Variants in ARHGAP31 observed in about 807,000 individuals in gnomAD.
ARHGAP31 encodes rho GTPase-activating protein 31.
Under a neutral mutation model 113.9 loss-of-function variants are expected in ARHGAP31, and 34 were observed. That is an observed-to-expected ratio of 0.30 (90% confidence interval 0.23 to 0.40). The LOEUF (loss-of-function observed/expected upper bound fraction) is 0.40, where lower values mean the gene tolerates loss of function less well. ARHGAP31 is among the 10% of genes least tolerant of loss of function. The pLI, the probability that ARHGAP31 is intolerant of heterozygous loss-of-function variation, is 1.00. For synonymous variants in ARHGAP31, 650 were observed against 684.8 expected (o/e 0.95, Z 0.79); for missense variants, 1,548 against 1,767.1 (o/e 0.88, Z 2.22).
chr3:119,380,800 T>C, intron 3 of ARHGAP31, 104 bp from the exon 4 acceptor site: 1 of 916,862 alleles, frequency 1.1e-6, no homozygotes, highest in Admixed American at 1.8e-5. Context: ...TCTCTAGGCA[T>C]GGTTGTGAGG....
intron 1 of ARHGAP31, among the ~76,000 whole-genome samples, chr3:119,345,610 C>G (rs1183486173): frequency 6.6e-6 from 1 of 152,172 alleles, no homozygotes; most frequent in African/African-American, 2.4e-5. Flanking sequence ...TCCTTGGAAC[C>G]TAGCACCCAG....
chr3:119,364,048 G>T (rs1274342360), intron 1 of ARHGAP31, among the ~76,000 whole-genome samples: 1 of 152,136 alleles, frequency 6.6e-6, no homozygotes, highest in African/African-American at 2.4e-5. Context: ...GCCTGTATCT[G>T]CCCCTGTTGG....
intron 1 of ARHGAP31, among the ~76,000 whole-genome samples, chr3:119,335,489 G>T (rs1027163542): frequency 6.6e-6 from 1 of 152,188 alleles, no homozygotes; most frequent in Non-Finnish European, 1.5e-5. Context: ...CTAGGCCAGG[G>T]CAGGCCAGGG....
At chr3:119,332,603 T>TG (rs1491472751) in intron 1 of ARHGAP31, among the ~76,000 whole-genome samples, 1 of 125,192 alleles carries the variant, frequency 8.0e-6, no homozygotes, top group African/African-American at 3.5e-5. Context: ...TCTCTCTCTC[T>TG]TTCTCTCTCT....
intron 1 of ARHGAP31, among the ~76,000 whole-genome samples, chr3:119,360,067 C>T (rs1382749556): frequency 6.6e-6 from 1 of 152,194 alleles, no homozygotes; most frequent in East Asian, 1.9e-4. Context: ...GCTCCTTTGT[C>T]ATTCCTCCCT....
intron 11 of ARHGAP31, 67 bp downstream of exon 11, chr3:119,409,843 T>G: frequency 6.8e-7 from 1 of 1,470,968 alleles, no homozygotes; most frequent in South Asian, 1.3e-5. Context: ...CTTGGTACAA[T>G]TTAAAGTAAA....
chr3:119,392,052 G>A (rs1041058266), intron 7 of ARHGAP31, among the ~76,000 whole-genome samples: 6 of 152,086 alleles, frequency 3.9e-5, no homozygotes, highest in East Asian at 1.9e-4. Context: ...CCAAAGGTAC[G>A]CTACCCTATA....
Position 119,414,215 on chromosome 3 carries a change from G to A in ARHGAP31, c.2286G>A (p.Lys762=). ...LAPLEIVPFE[K]ASPQATVEVG... is the part of the protein sequence containing the mutation. ...CTCTGGAAATAGTTCCTTTTGAGAA[G>A]GCATCTCCACAAGCAACAGTGGAAG... Residue 762 remains lysine, a synonymous_variant, in exon 12 of 12, where the codon AAG becomes AAA. Transcript: ENST00000264245. 1 of 1,614,174 alleles carries A rather than the reference G, an allele frequency of 6.2e-7. No homozygotes were observed. The highest frequency in any genetic ancestry group is 8.5e-7 in the Non-Finnish European group (1 of 1,180,030).
rs367668263 is a variant in ARHGAP31 at position 119,334,795 on chromosome 3, A to G, written c.101-30521A>G. On this transcript the variant is annotated intron_variant, in intron 1 of 11. Transcript: ENST00000264245. ...TTCATTTAATTCTTACAATAATCCT[A>G]TATGTGTAATGTTGCCCTTATTTTA... 1.6e-4 allele frequency among the ~76,000 whole-genome samples: 24 copies of G among 152,294 alleles called. No homozygotes were observed. In the East Asian group the frequency reaches 3.3e-3, roughly 21 times the overall value.
intron 1 of ARHGAP31, among the ~76,000 whole-genome samples, chr3:119,355,642 C>T (rs1006399694): frequency 5.3e-5 from 8 of 152,130 alleles, no homozygotes; most frequent in African/African-American, 1.9e-4. Flanking sequence ...CCTATCCCCC[C>T]ATCTCACGAC....
Position 119,414,233 on chromosome 3 carries a change from A to G in ARHGAP31, c.2304A>G (p.Thr768=). Residue 768 remains threonine, a synonymous_variant, in exon 12 of 12, where the codon ACA becomes ACG. Coordinates refer to ENST00000264245, the MANE Select transcript of ARHGAP31 (RefSeq NM_020754.4). ...VPFEKASPQA[T]VEVGGPGNLS... Reference sequence around the variant, plus strand: ...TTGAGAAGGCATCTCCACAAGCAACAGTGGAAGTAGGAGGCCCAGGCAATC... The same window carrying G: ...TTGAGAAGGCATCTCCACAAGCAACGGTGGAAGTAGGAGGCCCAGGCAATC... The G allele has an allele frequency of 6.2e-7, 1 of 1,614,228 alleles. No individual in the cohort carries two copies.
chr3:119,402,237 G>A lies in ARHGAP31; in HGVS notation c.1485G>A (p.Pro495=). Residue 495 remains proline (P), a synonymous_variant, in exon 10 of 12, where the codon CCG becomes CCA. Coordinates refer to ENST00000264245, the MANE Select transcript of ARHGAP31 (RefSeq NM_020754.4). Reference sequence around the variant, plus strand: ...CCGAGCCCTTTGCGGTATCTGTGCCGCTCCGCGTGTCCGCAGTCATCAGCA... The same window carrying A: ...CCGAGCCCTTTGCGGTATCTGTGCCACTCCGCGTGTCCGCAGTCATCAGCA... The part of the protein sequence containing the change: ...NISEPFAVSV[P]LRVSAVISTN... 1.2e-6 allele frequency: 2 copies of A among 1,614,246 alleles called. No individual in the cohort carries two copies. Among genetic ancestry groups the A allele is most frequent in the Non-Finnish European group, 8.5e-7 (1 of 1,180,044 alleles).
chr3:119,343,240 A>G (rs2080025075), intron 1 of ARHGAP31, among the ~76,000 whole-genome samples: 1 of 152,162 alleles, frequency 6.6e-6, no homozygotes, highest in South Asian at 2.1e-4. Flanking sequence ...GCAGTATAGA[A>G]AGCTGGTTAA....
intron 3 of ARHGAP31, among the ~76,000 whole-genome samples, chr3:119,379,846 C>T (rs1019797759): frequency 7.2e-5 from 11 of 152,198 alleles, no homozygotes; most frequent in South Asian, 2.1e-4. Context: ...GGAAAGATAG[C>T]TGTGGTTACC....
chr3:119,401,998 G>A lies in ARHGAP31; in HGVS notation c.1246G>A (p.Asp416Asn). 3 of 1,614,168 alleles carry A rather than the reference G, an allele frequency of 1.9e-6. No individual in the cohort carries two copies. The highest frequency in any genetic ancestry group is 2.5e-6 in the Non-Finnish European group (3 of 1,180,030). The part of the protein sequence containing the change: ...GAEGGFDVSS[D>N]RSHLQGAQAR... ...TGAGGGTGGCTTTGATGTGAGCAGT[G>A]ATCGCAGCCATCTCCAGGGCGCTCA... Residue 416 changes from aspartate to asparagine, a missense_variant, in exon 10 of 12, where the codon GAT (aspartate) becomes AAT (asparagine). Asp to Asn is a conservative substitution (Grantham distance 23). Coordinates refer to ENST00000264245, the MANE Select transcript of ARHGAP31 (RefSeq NM_020754.4).
chr3:119,391,015 G>A (rs923860206), intron 7 of ARHGAP31, 32 bp downstream of exon 7: 4 of 1,608,068 alleles, frequency 2.5e-6, no homozygotes, highest in Non-Finnish European at 3.4e-6. Context: ...AATTCTAGGA[G>A]ATGTGTGGTT....
intron 3 of ARHGAP31, among the ~76,000 whole-genome samples, chr3:119,374,733 G>A (rs1577017842): frequency 6.6e-6 from 1 of 152,160 alleles, no homozygotes; most frequent in African/African-American, 2.4e-5. Flanking sequence ...CTTCTGCCAT[G>A]ATTATGTTTC....
intron 1 of ARHGAP31, among the ~76,000 whole-genome samples, chr3:119,362,225 G>A (rs541730241): frequency 6.6e-6 from 1 of 152,254 alleles, no homozygotes; most frequent in East Asian, 1.9e-4. Flanking sequence ...TGAGTGTTCC[G>A]AGTTCTTAAG....
chr3:119,303,786 TTTG>T (rs556192445), intron 1 of ARHGAP31, among the ~76,000 whole-genome samples: 10 of 150,942 alleles, frequency 6.6e-5, no homozygotes, highest in East Asian at 1.9e-4. Context: ...TTTCATGTTT[TTTG>T]TTGTTGTTGT....
Sources: gnomAD v4.1 joint callset for allele counts (sites outside exome capture counted in the v4.1 genomes callset) on GRCh38, gnomAD v4.1.1 for gene constraint, MANE v1.5 for transcripts, NCBI Gene and HGNC (gene_info 2026-07-23, HGNC 2026-07-21) for gene names.